The following ICE2 variants were observed in gnomAD, a reference collection of about 807,000 sequenced individuals.
ICE2 encodes little elongation complex subunit 2.
Under a neutral mutation model 105.4 loss-of-function variants are expected in ICE2, and 87 were observed. The ratio of observed to expected loss-of-function variants is 0.83; its 90% CI spans 0.69 to 0.99. The LOEUF (loss-of-function observed/expected upper bound fraction) is 0.99. Ranked by LOEUF, ICE2 falls within the 50% of genes least tolerant of loss-of-function variation. ICE2 has a pLI of 0.00. For missense variants in ICE2, 1,323 were observed against 1,146.7 expected (o/e 1.15, Z -2.22); for synonymous variants, 399 against 392.0 (o/e 1.02, Z -0.21).
At chr15:60,475,390 A>G (rs939340770) in intron 3 of ICE2, among the ~76,000 whole-genome samples, 13 of 152,218 alleles carry the variant, frequency 8.5e-5, no homozygotes, top group Non-Finnish European at 1.5e-4. Flanking sequence ...TGACCAAACA[A>G]TTCAATTTCT....
chr15:60,455,033 G>C lies in ICE2; in HGVS notation c.913C>G (p.Pro305Ala), dbSNP rs369578442. 5 of 1,574,052 alleles carry C rather than the reference G, an allele frequency of 3.2e-6. No individual in the cohort carries two copies. The highest frequency in any genetic ancestry group is 3.4e-6 in the Non-Finnish European group (4 of 1,167,734). Reference protein sequence around the residue: ...GPTYKEQWEIPVCIQVIPVAG... With the variant: ...GPTYKEQWEIAVCIQVIPVAG... ...ACAGGTATTACTTGAATACACACTGGAATTTCCCACTGTTCCTTGTACGTT... is the reference window on the plus strand; with the variant it reads ...ACAGGTATTACTTGAATACACACTGCAATTTCCCACTGTTCCTTGTACGTT... Residue 305 changes from proline to alanine, a missense_variant, in exon 8 of 16, where the codon CCA becomes GCA. Coordinates refer to ENST00000261520, the MANE Select transcript of ICE2 (RefSeq NM_024611.6).
intron 14 of ICE2, among the ~76,000 whole-genome samples, chr15:60,430,242 C>A (rs1233094757): frequency 6.6e-6 from 1 of 152,090 alleles, no homozygotes; most frequent in Non-Finnish European, 1.5e-5. Flanking sequence ...CTTAACTTGG[C>A]GTTGTAACTT....
At chr15:60,456,227 G>T (rs1006939805) in intron 6 of ICE2, among the ~76,000 whole-genome samples, 4 of 8,794 alleles carry the variant, frequency 4.5e-4, no homozygotes, top group African/African-American at 6.0e-4. Context: ...TCTAATTATT[G>T]CTTAAAATTT....
At chr15:60,428,928 T>C (rs1332199480) in intron 14 of ICE2, among the ~76,000 whole-genome samples, 1 of 152,262 alleles carries the variant, frequency 6.6e-6, no homozygotes, top group East Asian at 1.9e-4. Context: ...TTTACTTTTA[T>C]AGCAATTCGT....
rs199691029 is a variant in ICE2 at position 60,460,424 on chromosome 15, C to T, written c.529-3630G>A. ...GAGGCAGGAGAGTTGCTGGAACCCG[C>T]GAGGGAGAGGATGCAGTGAGCAGAG... On this transcript the variant is annotated intron_variant, in intron 5 of 15. Coordinates refer to ENST00000261520, the MANE Select transcript of ICE2 (RefSeq NM_024611.6). Among the ~76,000 whole-genome samples the T allele has an allele frequency of 3.5e-3, 525 of 152,166 alleles. 2 individuals carry two copies. Among genetic ancestry groups the T allele is most frequent in the Non-Finnish European group, 5.4e-3 (370 of 68,006 alleles).
intron 5 of ICE2, among the ~76,000 whole-genome samples, chr15:60,458,536 G>A (rs770953014): frequency 3.3e-5 from 5 of 152,206 alleles, no homozygotes; most frequent in South Asian, 2.1e-4. Flanking sequence ...AAGGTGAGGT[G>A]GCTTAAGGGC....
intron 3 of ICE2, among the ~76,000 whole-genome samples, chr15:60,474,605 G>C (rs944996433): frequency 3.3e-5 from 5 of 152,086 alleles, no homozygotes; most frequent in African/African-American, 9.7e-5. Flanking sequence ...CCTTTGATTG[G>C]GGAGTTTAAT....
At position 60,420,728 on chromosome 15, in the gene ICE2, C is replaced by A. The variant is rs1252069084; in HGVS notation, c.*2906G>T. Reference sequence around the variant, plus strand: ...ATTTTTAAAAGACTCAGCTCAAGTTCTATCTCAGAAAACCTTAACTACCAA... The same window carrying A: ...ATTTTTAAAAGACTCAGCTCAAGTTATATCTCAGAAAACCTTAACTACCAA... On this transcript the variant is annotated 3_prime_UTR_variant, in exon 16 of 16. Transcript: ENST00000261520. 1 of 152,136 alleles carries A rather than the reference C, an allele frequency of 6.6e-6. No homozygotes were observed. Among genetic ancestry groups the A allele is most frequent in the Non-Finnish European group, 1.5e-5 (1 of 68,032 alleles). The allele number at this position is 152,136 out of a possible 1,614,324, so 9.4% of individuals were successfully genotyped here. A position where few individuals can be genotyped will look rare whatever the true frequency, so the allele number is the denominator to read the frequency against.
rs1251355901 is a variant in ICE2, at chr15:60,448,016, C to A, written c.2249G>T (p.Arg750Met). 1 of 1,613,766 alleles carries A rather than the reference C, an allele frequency of 6.2e-7. No homozygotes were observed. The highest frequency in any genetic ancestry group is 8.5e-7 in the Non-Finnish European group (1 of 1,179,852). The change falls in exon 11 of 16, where the codon AGG becomes ATG. Residue 750 changes from arginine to methionine, a missense_variant. Arg to Met is a moderately conservative substitution (Grantham distance 91). Transcript: ENST00000261520. ...TTTAGAACGTGGTCTTGTCTCTATC[C>A]TCTGGACACTGCAGCGTACGAGTAA... ...LLLLVRCSVQ[R>M]IETRPRSKKR... is the part of the protein sequence containing the mutation.
intron 4 of ICE2, among the ~76,000 whole-genome samples, chr15:60,467,577 C>A (rs1453664951): frequency 6.6e-6 from 1 of 152,094 alleles, no homozygotes; most frequent in Non-Finnish European, 1.5e-5. Context: ...AACAGAGGTA[C>A]AAACAAACTG....
intron 15 of ICE2, among the ~76,000 whole-genome samples, chr15:60,423,969 TGATA>T (rs1209099309): frequency 6.6e-6 from 1 of 152,214 alleles, no homozygotes; most frequent in Non-Finnish European, 1.5e-5. Context: ...TCAGAGAAGT[TGATA>T]GATCTGAGTA....
chr15:60,451,597 C>T lies in ICE2; in HGVS notation c.1126-1756G>A, dbSNP rs1384518985. The T allele has an allele frequency of 7.1e-6, 7 of 984,746 alleles. No homozygotes were observed. In the East Asian group the frequency reaches 6.8e-4, roughly 96 times the overall value. The allele number at this position is 984,746 out of a possible 1,614,324, so 61.0% of individuals were successfully genotyped here. ...TTGAGGCAAAAAAAGCATTATCATC[C>T]TCTCATTTTTACTTACTTTTACCTG... On this transcript the variant is annotated intron_variant, in intron 9 of 15. Coordinates refer to ENST00000261520, the MANE Select transcript of ICE2 (RefSeq NM_024611.6).
intron 13 of ICE2, among the ~76,000 whole-genome samples, chr15:60,432,791 C>G (rs916898881): frequency 6.6e-6 from 1 of 151,718 alleles, no homozygotes; most frequent in Admixed American, 6.6e-5. Context: ...ACTGGGGAGG[C>G]TGAGGCAGGA....
rs781674744 is a variant in ICE2 at position 60,468,125 on chromosome 15, T to C, written c.344A>G (p.Tyr115Cys). The change falls in exon 4 of 16, where the codon TAC becomes TGC. Residue 115 changes from tyrosine to cysteine, a missense_variant. Physicochemically the swap from Tyr to Cys is radical, Grantham distance 194. Coordinates refer to ENST00000261520, the MANE Select transcript of ICE2 (RefSeq NM_024611.6). ...QRSYVDLLVKYAKIPANSKAV... is the reference protein window; with the variant it reads ...QRSYVDLLVKCAKIPANSKAV... ...TTTGGAATTTGCAGGAATCTTTGCG[T>C]ATTTAACCAACAAGTCCACATAACT... 1.9e-6 allele frequency: 3 copies of C among 1,614,026 alleles called. No individual in the cohort carries two copies. Among genetic ancestry groups the C allele is most frequent in the Non-Finnish European group, 2.5e-6 (3 of 1,179,946 alleles).
chr15:60,449,082 A>C lies in ICE2; in HGVS notation c.1885T>G (p.Cys629Gly). Residue 629 changes from cysteine to glycine, a missense_variant, in exon 10 of 16, where the codon TGT becomes GGT. Cys to Gly is a radical substitution (Grantham distance 159). Transcript: ENST00000261520. ...CGTTTGATAGGTTTTTTTAAAACAC[A>C]TGACTCTTCAGGACTACAAGCAGTA... ...TNTACSPEES[C>G]VLKKPIKRVY... The C allele has an allele frequency of 6.2e-7, 1 of 1,613,948 alleles. No individual in the cohort carries two copies. The highest frequency in any genetic ancestry group is 2.2e-5 in the East Asian group (1 of 44,864).
At chr15:60,454,405 C>T (rs905364872) in intron 8 of ICE2, among the ~76,000 whole-genome samples, 1 of 152,158 alleles carries the variant, frequency 6.6e-6, no homozygotes, top group African/African-American at 2.4e-5. Context: ...TAAAGTACTA[C>T]GTTCCTTTCA....
intron 14 of ICE2, 86 bp from the exon 15 acceptor site, chr15:60,428,773 T>A (rs1305946829): frequency 7.2e-6 from 10 of 1,380,608 alleles, no homozygotes; most frequent in Non-Finnish European, 9.9e-6. Context: ...TTAGTAAAAT[T>A]GAAAATTATG....
chr15:60,424,718 C>G (rs141410963), intron 15 of ICE2, among the ~76,000 whole-genome samples: 362 of 152,292 alleles, frequency 2.4e-3, no homozygotes, highest in African/African-American at 8.0e-3. Context: ...CATGTTTAGG[C>G]TGGTCTGGAA....
chr15:60,428,081 A>G (rs528782123), intron 15 of ICE2, among the ~76,000 whole-genome samples: 5 of 152,316 alleles, frequency 3.3e-5, no homozygotes, highest in African/African-American at 1.2e-4. Flanking sequence ...TACTTAATGA[A>G]ATGAAACCCA....
Sources: allele counts gnomAD v4.1 joint callset (sites outside exome capture counted in the v4.1 genomes callset), GRCh38; gene constraint gnomAD v4.1.1; transcripts MANE v1.5; gene names NCBI Gene and HGNC (gene_info 2026-07-23, HGNC 2026-07-21).